Variants in NBAS observed in about 807,000 individuals in gnomAD.
NBAS encodes NBAS subunit of NRZ tethering complex, also known as NAG/BC035112 fusion.
In NBAS, 219 loss-of-function variants were observed where a neutral mutation model predicts 302.5. The observed-to-expected ratio is 0.72, with a 90% confidence interval of 0.65 to 0.81. The LOEUF (loss-of-function observed/expected upper bound fraction) is 0.81, where lower values mean the gene tolerates loss of function less well. Ranked by LOEUF, NBAS falls within the 30% of genes least tolerant of loss-of-function variation. The probability of loss-of-function intolerance (pLI) is 0.00; values close to 1 mark genes in which losing one functional copy is unlikely to be tolerated. For synonymous variants in NBAS, 1,118 were observed against 1,021.6 expected (o/e 1.09, Z -1.80); for missense variants, 2,932 against 2,841.6 (o/e 1.03, Z -0.72).
chr2:15,368,388 C>T (rs1009175206), intron 31 of NBAS, among the ~76,000 whole-genome samples: 1 of 151,720 alleles, frequency 6.6e-6, no homozygotes, highest in Non-Finnish European at 1.5e-5. Flanking sequence ...TTAGTAGCGA[C>T]GGGGTTTCAC....
At chr2:15,146,114 C>T in the NBAS span, among the ~76,000 whole-genome samples, 1 of 152,060 alleles carries the variant, frequency 6.6e-6, no homozygotes. Context: ...CAGGGGCTGG[C>T]TGGCCTGGTA....
At chr2:15,055,841 T>C in the NBAS span, among the ~76,000 whole-genome samples, 5 of 152,288 alleles carry the variant, frequency 3.3e-5, no homozygotes, top group East Asian at 7.7e-4. Flanking sequence ...ACTACATATA[T>C]TGTGAAAATG....
At chr2:15,515,089 A>C (rs1312874431) in intron 9 of NBAS, among the ~76,000 whole-genome samples, 2 of 152,218 alleles carry the variant, frequency 1.3e-5, no homozygotes, top group Non-Finnish European at 2.9e-5. Context: ...ACGGGTCCTC[A>C]GGTATGTTTA....
the NBAS span, among the ~76,000 whole-genome samples, chr2:15,092,591 T>C: frequency 6.6e-6 from 1 of 152,206 alleles, no homozygotes; most frequent in Admixed American, 6.5e-5. Context: ...TTCTGGCTTT[T>C]CAGCTGTGTC....
chr2:14,963,199 C>A, the NBAS span, among the ~76,000 whole-genome samples: 23 of 151,962 alleles, frequency 1.5e-4, no homozygotes, highest in Admixed American at 1.1e-3. Flanking sequence ...ACCTGGGAGG[C>A]GGAGGTTGCA....
chr2:14,939,507 G>T, the NBAS span, among the ~76,000 whole-genome samples: 2 of 152,220 alleles, frequency 1.3e-5, no homozygotes. Context: ...TGAAAGGGTT[G>T]TAATAAAGGG....
chr2:15,403,737 C>A (rs1676265362), intron 25 of NBAS, among the ~76,000 whole-genome samples: 1 of 151,944 alleles, frequency 6.6e-6, no homozygotes. Context: ...TGTCATCTGA[C>A]AAAGAGTTAA....
the NBAS span, among the ~76,000 whole-genome samples, chr2:14,955,207 G>T: frequency 6.6e-6 from 1 of 152,100 alleles, no homozygotes; most frequent in Non-Finnish European, 1.5e-5. Context: ...TTAAAGTTCC[G>T]AAATGATCTC....
chr2:14,820,771 G>A, the NBAS span, among the ~76,000 whole-genome samples: 5 of 152,164 alleles, frequency 3.3e-5, no homozygotes, highest in Non-Finnish European at 7.4e-5. Flanking sequence ...GAGTGAATAA[G>A]CAGTTCTTTT....
chr2:15,374,810 A>C, intron 30 of NBAS, 90 bp from the exon 31 acceptor site: 1 of 1,084,584 alleles, frequency 9.2e-7, no homozygotes, highest in Non-Finnish European at 1.4e-6. Flanking sequence ...ATATTTATCA[A>C]AAATCTACCA....
chr2:15,263,379 C>T (rs1668935406), intron 44 of NBAS, among the ~76,000 whole-genome samples: 1 of 152,084 alleles, frequency 6.6e-6, no homozygotes, highest in African/African-American at 2.4e-5. Flanking sequence ...CAGATGTGAG[C>T]CACTGCACCC....
chr2:14,973,495 T>A, the NBAS span, among the ~76,000 whole-genome samples: 2 of 152,174 alleles, frequency 1.3e-5, no homozygotes, highest in Non-Finnish European at 2.9e-5. Context: ...TTGATAGATA[T>A]AAGTAAAGCA....
chr2:14,864,186 A>G, the NBAS span, among the ~76,000 whole-genome samples: 1 of 151,970 alleles, frequency 6.6e-6, no homozygotes, highest in Non-Finnish European at 1.5e-5. Flanking sequence ...GCGTGGTAGC[A>G]CACACCTATA....
chr2:15,005,395 G>A, the NBAS span, among the ~76,000 whole-genome samples: 1 of 152,192 alleles, frequency 6.6e-6, no homozygotes, highest in Non-Finnish European at 1.5e-5. Flanking sequence ...ATTTGGAAGA[G>A]CGATTCATTT....
chr2:15,307,603 C>A (rs909486715), intron 40 of NBAS, among the ~76,000 whole-genome samples: 2 of 152,134 alleles, frequency 1.3e-5, no homozygotes, highest in African/African-American at 2.4e-5. Flanking sequence ...TCTGTCTATA[C>A]AAGTACTTGG....
chr2:15,082,948 G>A, the NBAS span, among the ~76,000 whole-genome samples: 1 of 152,188 alleles, frequency 6.6e-6, no homozygotes. Flanking sequence ...TGGGACACTG[G>A]ATATAACTGA....
chr2:15,477,463 G>C (rs1207553381), intron 13 of NBAS, among the ~76,000 whole-genome samples: 1 of 152,106 alleles, frequency 6.6e-6, no homozygotes, highest in Admixed American at 6.5e-5. Flanking sequence ...GTTTCACCAT[G>C]TTGGCCAGGC....
At chr2:15,327,924 C>T (rs2148224197) in intron 37 of NBAS, 54 bp from the exon 38 acceptor site, 1 of 1,606,216 alleles carries the variant, frequency 6.2e-7, no homozygotes, top group South Asian at 1.1e-5. Flanking sequence ...GTCCTACAAA[C>T]ATATGCTTAG....
chr2:15,408,953 C>T (rs1157473259), intron 25 of NBAS, among the ~76,000 whole-genome samples: 5 of 152,266 alleles, frequency 3.3e-5, no homozygotes, highest in South Asian at 2.1e-4. Context: ...GGGAGGACTG[C>T]TTGAGGCCAG....
Sources: allele counts gnomAD v4.1 joint callset (sites outside exome capture counted in the v4.1 genomes callset), GRCh38; gene constraint gnomAD v4.1.1; transcripts MANE v1.5; gene names NCBI Gene and HGNC (gene_info 2026-07-23, HGNC 2026-07-21).